Variants in KLHL29 observed in about 807,000 individuals in gnomAD.
KLHL29 encodes kelch like family member 29.
A neutral mutation model predicts 80.4 loss-of-function variants in KLHL29; 21 were observed. The ratio of observed to expected loss-of-function variants is 0.26; its 90% confidence interval spans 0.19 to 0.38. The LOEUF is 0.38. Ranked by LOEUF, KLHL29 falls within the 10% of genes least tolerant of loss-of-function variation. KLHL29 has a pLI of 1.00. For synonymous variants in KLHL29, 511 were observed against 526.8 expected (o/e 0.97, Z 0.41); for missense variants, 867 against 1,223.9 (o/e 0.71, Z 4.35).
At chr2:23,522,433 A>G (rs1178506022) in intron 2 of KLHL29, among the ~76,000 whole-genome samples, 1 of 152,138 alleles carries the variant, frequency 6.6e-6, no homozygotes, top group East Asian at 1.9e-4. Flanking sequence ...TACAGGTGTG[A>G]GCCACCACAC....
At chr2:23,420,364 G>C (rs959838154) in intron 1 of KLHL29, among the ~76,000 whole-genome samples, 1 of 152,148 alleles carries the variant, frequency 6.6e-6, no homozygotes, top group Non-Finnish European at 1.5e-5. Flanking sequence ...AGCCCGTTGA[G>C]CTAAAGGGTC....
intron 3 of KLHL29, among the ~76,000 whole-genome samples, chr2:23,570,532 C>A (rs751731941): frequency 2.6e-5 from 4 of 152,250 alleles, no homozygotes; most frequent in Non-Finnish European, 5.9e-5. Flanking sequence ...TCCTGCCTTC[C>A]TTTGCCCTTA....
chr2:23,429,986 A>G (rs773680173), intron 1 of KLHL29, among the ~76,000 whole-genome samples: 1 of 152,210 alleles, frequency 6.6e-6, no homozygotes, highest in Non-Finnish European at 1.5e-5. Flanking sequence ...ATAAAAATGA[A>G]TGAATCTCAT....
intron 3 of KLHL29, among the ~76,000 whole-genome samples, chr2:23,633,788 T>TG (rs1175867478): frequency 1.2e-4 from 18 of 152,022 alleles, no homozygotes; most frequent in African/African-American, 4.4e-4. Context: ...TGTGTGTGTG[T>TG]GTGTTTAATT....
chr2:23,614,126 C>T (rs1363420025), intron 3 of KLHL29, among the ~76,000 whole-genome samples: 3 of 152,192 alleles, frequency 2.0e-5, no homozygotes, highest in Non-Finnish European at 2.9e-5. Flanking sequence ...ACCCATTTGT[C>T]GCTTACCTAC....
intron 2 of KLHL29, among the ~76,000 whole-genome samples, chr2:23,530,790 G>T (rs558276173): frequency 5.5e-4 from 84 of 152,224 alleles, no homozygotes; most frequent in Admixed American, 7.2e-4. Flanking sequence ...TCCCTCCTGG[G>T]CCCAGTTCTT....
chr2:23,393,202 T>A (rs1666363327), intron 1 of KLHL29, among the ~76,000 whole-genome samples: 1 of 152,224 alleles, frequency 6.6e-6, no homozygotes, highest in Non-Finnish European at 1.5e-5. Context: ...AGGTGTCAGA[T>A]AACAGACATC....
At chr2:23,397,088 G>A (rs1280522114) in intron 1 of KLHL29, among the ~76,000 whole-genome samples, 1 of 152,194 alleles carries the variant, frequency 6.6e-6, no homozygotes, top group Non-Finnish European at 1.5e-5. Context: ...GAGGATTTGT[G>A]CTCTGAGACC....
intron 1 of KLHL29, among the ~76,000 whole-genome samples, chr2:23,444,044 T>C (rs956300944): frequency 6.6e-6 from 1 of 152,212 alleles, no homozygotes; most frequent in Admixed American, 6.5e-5. Flanking sequence ...ATGTCTCTCT[T>C]TGAGTTCTTC....
chr2:23,628,821 C>T (rs983007398), intron 3 of KLHL29, among the ~76,000 whole-genome samples: 6 of 152,124 alleles, frequency 3.9e-5, no homozygotes, highest in Admixed American at 3.9e-4. Flanking sequence ...CTGAAAATAA[C>T]AAAGGCTCCC....
rs555191452 is a variant in KLHL29, at chr2:23,395,656, A to T, written c.-154+9876A>T. ...GCTACTCAGGAGGCTGAGACAGGAG[A>T]ATCGCTTGAACCAGGGAGGCAGAGG... is the stretch of plus-strand genomic sequence containing the variant. On this transcript the variant is annotated intron_variant, in intron 1 of 13. Transcript: ENST00000486442. 2.6e-5 allele frequency among the ~76,000 whole-genome samples: 4 copies of T among 152,192 alleles called. No individual in the cohort carries two copies. The East Asian group carries it at 7.7e-4, about 29-fold the overall frequency.
intron 3 of KLHL29, among the ~76,000 whole-genome samples, chr2:23,564,811 G>A (rs1156623831): frequency 6.6e-6 from 1 of 152,224 alleles, no homozygotes; most frequent in Non-Finnish European, 1.5e-5. Flanking sequence ...GGCTCCTTGT[G>A]TATAACAAAT....
At chr2:23,459,064 C>T (rs1027721707) in intron 1 of KLHL29, among the ~76,000 whole-genome samples, 8 of 151,990 alleles carry the variant, frequency 5.3e-5, no homozygotes, top group African/African-American at 9.7e-5. Context: ...AGAGGTATGT[C>T]GAGGGGTCAT....
At chr2:23,580,196 C>G (rs908287628) in intron 3 of KLHL29, among the ~76,000 whole-genome samples, 5 of 147,708 alleles carry the variant, frequency 3.4e-5, no homozygotes, top group African/African-American at 1.3e-4. Flanking sequence ...TGGTGAAACC[C>G]TGTCTCTACT....
chr2:23,524,555 C>T (rs1051765172), intron 2 of KLHL29, among the ~76,000 whole-genome samples: 2 of 152,182 alleles, frequency 1.3e-5, no homozygotes, highest in African/African-American at 4.8e-5. Context: ...ATGATCTCTG[C>T]TCTGCCCAAG....
intron 3 of KLHL29, among the ~76,000 whole-genome samples, chr2:23,603,330 A>G (rs751151806): frequency 6.6e-6 from 1 of 152,146 alleles, no homozygotes; most frequent in Non-Finnish European, 1.5e-5. Flanking sequence ...CCAGCAGTCA[A>G]GGTGTTTCCT....
chr2:23,554,814 T>C (rs1465317667), intron 2 of KLHL29, among the ~76,000 whole-genome samples: 2 of 152,154 alleles, frequency 1.3e-5, no homozygotes, highest in Admixed American at 1.3e-4. Flanking sequence ...GAATTATTCA[T>C]GGTGAGGGTT....
intron 2 of KLHL29, among the ~76,000 whole-genome samples, chr2:23,540,774 C>T (rs1294123442): frequency 6.6e-6 from 1 of 152,248 alleles, no homozygotes; most frequent in Non-Finnish European, 1.5e-5. Context: ...CCCTCTGTGG[C>T]CAGCTTCATG....
rs139350540 is a variant in KLHL29 at position 23,659,524 on chromosome 2, C to A, written c.940+16674C>A. 3.3e-5 allele frequency among the ~76,000 whole-genome samples: 5 copies of A among 152,324 alleles called. No individual in the cohort carries two copies. The East Asian group carries it at 9.6e-4, about 29-fold the overall frequency. ...CCATTCTCAGCGCCGAGTCCCGGATCTGGCTATGTGAGTGCTTGGCAGGTG... is the reference window on the plus strand; with the variant it reads ...CCATTCTCAGCGCCGAGTCCCGGATATGGCTATGTGAGTGCTTGGCAGGTG... On this transcript the variant is annotated intron_variant, in intron 5 of 13. Coordinates refer to ENST00000486442, the MANE Select transcript of KLHL29 (RefSeq NM_052920.2).
Sources: allele counts gnomAD v4.1 joint callset (sites outside exome capture counted in the v4.1 genomes callset), GRCh38; gene constraint gnomAD v4.1.1; transcripts MANE v1.5; gene names NCBI Gene and HGNC (gene_info 2026-07-23, HGNC 2026-07-21).